The following SIPA1L2 variants were observed in gnomAD, a reference collection of about 807,000 sequenced individuals.
SIPA1L2 encodes signal-induced proliferation-associated 1-like protein 2.
A neutral mutation model predicts 163.9 loss-of-function variants in SIPA1L2; 56 were observed. That is an observed-to-expected ratio of 0.34 (90% CI 0.28 to 0.43). SIPA1L2 has a LOEUF of 0.43. SIPA1L2 is among the 20% of genes least tolerant of loss of function. SIPA1L2 has a pLI of 1.00. For synonymous variants in SIPA1L2, 877 were observed against 865.7 expected, an observed-to-expected ratio of 1.01 and a Z score of -0.23; for missense variants, 1,974 against 2,193.5, an observed-to-expected ratio of 0.90 and a Z score of 2.00.
Position 232,432,270 on chromosome 1 carries a change from C to A in SIPA1L2, c.4233G>T (p.Glu1411Asp). 1 of 1,613,972 alleles carries A rather than the reference C, an allele frequency of 6.2e-7. No individual in the cohort carries two copies. Among genetic ancestry groups the A allele is most frequent in the African/African-American group, 1.3e-5 (1 of 75,034 alleles). Residue 1411 changes from glutamate (E) to aspartate (D), a missense_variant, in exon 16 of 23, where the codon GAG (glutamate) becomes GAT (aspartate). By Grantham distance (45) the Glu-to-Asp change is conservative. Transcript: ENST00000674635. The part of the protein sequence containing the change: ...KKSEGSPPPE[E>D]PEVTECPGMY... ...ACCCGGGACATTCAGTCACTTCAGG[C>A]TCCTCGGGCGGTGGGCTGCCCTCCG...
At chr1:232,425,467 T>C (rs1293164831) in intron 18 of SIPA1L2, 122 bp downstream of exon 18, 3 of 687,390 alleles carry the variant, frequency 4.4e-6, no homozygotes, top group East Asian at 3.0e-5. Context: ...CCAAATAATA[T>C]ATATTTAATA....
chr1:232,483,907 T>C lies in SIPA1L2; in HGVS notation c.1866A>G (p.Glu622=), dbSNP rs547884719. The C allele has an allele frequency of 1.9e-6, 3 of 1,613,896 alleles. No homozygotes were observed. The highest frequency in any genetic ancestry group is 2.2e-5 in the South Asian group (2 of 91,078). ...CCGCCGTCTCATTGTTATACATCTC[T>C]TCCTCTGTGCTCTGGCCTGCTTTGC... is the stretch of plus-strand genomic sequence containing the variant. The part of the protein sequence containing the change: ...LYCKAGQSTE[E]EMYNNETAGP... The change falls in exon 6 of 23, where the codon GAA becomes GAG. Residue 622 remains glutamate (E), a synonymous_variant. Coordinates refer to ENST00000674635, the MANE Select transcript of SIPA1L2 (RefSeq NM_020808.5).
At chr1:232,616,983 T>C (rs1335354746) in intron 1 of SIPA1L2, among the ~76,000 whole-genome samples, 4 of 152,254 alleles carry the variant, frequency 2.6e-5, no homozygotes, top group South Asian at 2.1e-4. Flanking sequence ...TCAGGGCTAA[T>C]TGATTAGTCT....
At chr1:232,424,108 A>G (rs1164356101) in intron 18 of SIPA1L2, among the ~76,000 whole-genome samples, 1 of 152,072 alleles carries the variant, frequency 6.6e-6, no homozygotes, top group African/African-American at 2.4e-5. Flanking sequence ...CACCACCAGG[A>G]ACGAACCCTA....
chr1:232,424,322 C>CAAAAAAAAAAAA (rs55961523), intron 18 of SIPA1L2, among the ~76,000 whole-genome samples: 2 of 71,792 alleles, frequency 2.8e-5, no homozygotes, highest in African/African-American at 5.5e-5. Context: ...GTGAAGCTAA[C>CAAAAAAAAAAAA]AAAAAAAAAA....
chr1:232,576,997 T>C (rs928459132), intron 1 of SIPA1L2, among the ~76,000 whole-genome samples: 1 of 152,200 alleles, frequency 6.6e-6, no homozygotes, highest in East Asian at 1.9e-4. Context: ...AAATGTTCTA[T>C]GTAAATCAAA....
intron 22 of SIPA1L2, 100 bp from the exon 23 acceptor site, chr1:232,399,373 G>T (rs750036890): frequency 7.4e-6 from 10 of 1,352,490 alleles, no homozygotes; most frequent in Non-Finnish European, 1.0e-5. Context: ...TTTTACTTAT[G>T]TACTTTTTGA....
intron 1 of SIPA1L2, among the ~76,000 whole-genome samples, chr1:232,610,609 G>A (rs1447483214): frequency 6.6e-6 from 1 of 152,096 alleles, no homozygotes; most frequent in Admixed American, 6.6e-5. Context: ...TAGTAATCAG[G>A]CAAACAAGCA....
intron 4 of SIPA1L2, among the ~76,000 whole-genome samples, 199 bp from the exon 5 acceptor site, chr1:232,491,261 C>A (rs1471604969): frequency 6.6e-6 from 1 of 152,130 alleles, no homozygotes; most frequent in Non-Finnish European, 1.5e-5. Flanking sequence ...ATACAAAGAT[C>A]AGGAACAAGC....
chr1:232,537,011 G>A (rs1657344801), intron 2 of SIPA1L2, among the ~76,000 whole-genome samples: 1 of 152,174 alleles, frequency 6.6e-6, no homozygotes, highest in South Asian at 2.1e-4. Context: ...CACAGCAGGT[G>A]GATCGCTGAA....
intron 2 of SIPA1L2, among the ~76,000 whole-genome samples, chr1:232,517,312 T>G (rs1436890290): frequency 6.6e-6 from 1 of 152,296 alleles, no homozygotes; most frequent in South Asian, 2.1e-4. Flanking sequence ...TACCAGTATC[T>G]GTACAGCACA....
intron 1 of SIPA1L2, among the ~76,000 whole-genome samples, chr1:232,594,064 A>C (rs1322895416): frequency 6.6e-6 from 1 of 152,028 alleles, no homozygotes; most frequent in Non-Finnish European, 1.5e-5. Context: ...TTAGCCCCCT[A>C]TTAAATCTCA....
intron 5 of SIPA1L2, among the ~76,000 whole-genome samples, chr1:232,487,609 T>C (rs1320810757): frequency 6.6e-6 from 1 of 152,182 alleles, no homozygotes; most frequent in Non-Finnish European, 1.5e-5. Context: ...ACCTATTAAA[T>C]ACATTGGGAT....
At chr1:232,491,115 T>C in intron 4 of SIPA1L2, 53 bp from the exon 5 acceptor site, 2 of 1,504,240 alleles carry the variant, frequency 1.3e-6, no homozygotes, top group Non-Finnish European at 1.8e-6. Context: ...AATTACCTAC[T>C]CACAGCCTAA....
intron 4 of SIPA1L2, among the ~76,000 whole-genome samples, chr1:232,493,242 G>C (rs1666022803): frequency 6.6e-6 from 1 of 152,184 alleles, no homozygotes; most frequent in African/African-American, 2.4e-5. Context: ...TAAGCCTGCG[G>C]AACTGTGAGT....
chr1:232,489,243 T>TCTTTTCAACAACTTCTTTTCA (rs1335465142), intron 5 of SIPA1L2, among the ~76,000 whole-genome samples: 5 of 152,188 alleles, frequency 3.3e-5, no homozygotes, highest in African/African-American at 7.2e-5. Flanking sequence ...CCAACTCTCT[T>TCTTTTCAACAACTTCTTTTCA]ACAACATGCA....
intron 3 of SIPA1L2, among the ~76,000 whole-genome samples, chr1:232,502,825 T>C (rs1310442472): frequency 6.6e-6 from 1 of 152,250 alleles, no homozygotes; most frequent in Admixed American, 6.5e-5. Flanking sequence ...AATCTTCTAT[T>C]CAATAATGTA....
chr1:232,576,353 G>A (rs938133915), intron 1 of SIPA1L2, among the ~76,000 whole-genome samples: 1 of 152,180 alleles, frequency 6.6e-6, no homozygotes, highest in Non-Finnish European at 1.5e-5. Flanking sequence ...GTTTGTTATG[G>A]TGACCTGTGA....
intron 17 of SIPA1L2, among the ~76,000 whole-genome samples, chr1:232,427,982 C>T (rs370395318): frequency 1.3e-5 from 2 of 152,226 alleles, no homozygotes; most frequent in Admixed American, 6.5e-5. Flanking sequence ...CTACTGTTCA[C>T]GATCACTAGT....
Sources: gnomAD v4.1 joint callset for allele counts (sites outside exome capture counted in the v4.1 genomes callset) on GRCh38, gnomAD v4.1.1 for gene constraint, MANE v1.5 for transcripts, NCBI Gene and HGNC (gene_info 2026-07-23, HGNC 2026-07-21) for gene names.